The following LRPPRC variants were observed in gnomAD, a reference collection of about 807,000 sequenced individuals.
The protein encoded by LRPPRC is leucine-rich PPR motif-containing protein, mitochondrial.
Under a neutral mutation model 180.3 loss-of-function variants are expected in LRPPRC, and 120 were observed. The observed-to-expected ratio is 0.67, with a 90% confidence interval of 0.57 to 0.77. The LOEUF is 0.77. Ranked by LOEUF, LRPPRC falls within the 30% of genes least tolerant of loss-of-function variation. LRPPRC has a pLI of 0.00. For missense variants in LRPPRC, 2,012 were observed against 1,657.2 expected (o/e 1.21, Z -3.72); for synonymous variants, 723 against 600.0 (o/e 1.21, Z -3.00).
chr2:43,980,727 T>C (rs567907753), intron 2 of LRPPRC, among the ~76,000 whole-genome samples: 2 of 152,312 alleles, frequency 1.3e-5, no homozygotes, highest in East Asian at 3.9e-4. Context: ...CCCTGAAAGC[T>C]GACTTTAAAA....
intron 2 of LRPPRC, among the ~76,000 whole-genome samples, chr2:43,981,026 G>C (rs192774285): frequency 1.3e-5 from 2 of 152,086 alleles, no homozygotes; most frequent in Non-Finnish European, 2.9e-5. Context: ...CTACACTTCT[G>C]AGTGTGTCTG....
chr2:43,963,901 T>C (rs1673454496), intron 11 of LRPPRC, 195 bp from the exon 12 acceptor site: 1 of 601,698 alleles, frequency 1.7e-6, no homozygotes, highest in East Asian at 2.8e-5. Context: ...TTCATCCCCC[T>C]CTGTGAAACA....
chr2:43,915,378 C>A (rs1671429194), intron 29 of LRPPRC, among the ~76,000 whole-genome samples: 1 of 151,684 alleles, frequency 6.6e-6, no homozygotes, highest in South Asian at 2.1e-4. Flanking sequence ...ACTGAATATG[C>A]AGCAAAGGAA....
intron 36 of LRPPRC, chr2:43,892,624 T>G (rs1670531703): frequency 6.6e-6 from 1 of 152,174 alleles, no homozygotes; most frequent in Non-Finnish European, 1.5e-5. Flanking sequence ...GGTGCCCTAA[T>G]AAAACATCCA....
upstream of LRPPRC, among the ~76,000 whole-genome samples, chr2:43,996,251 G>A (rs943636213): frequency 2.0e-5 from 3 of 152,312 alleles, no homozygotes; most frequent in Admixed American, 6.5e-5. Flanking sequence ...TGGTAGAGCC[G>A]CAAGAGGTCA....
chr2:43,974,324 T>G, intron 8 of LRPPRC, 29 bp from the exon 9 acceptor site: 1 of 1,545,596 alleles, frequency 6.5e-7, no homozygotes, highest in Non-Finnish European at 8.9e-7. Flanking sequence ...CATCTTTTGT[T>G]AATAAACTGA....
intron 1 of LRPPRC, among the ~76,000 whole-genome samples, chr2:43,991,456 CT>C (rs560277377): frequency 6.6e-6 from 1 of 152,116 alleles, no homozygotes; most frequent in Non-Finnish European, 1.5e-5. Context: ...TAATTTTCAC[CT>C]TTAGGCCAAT....
chr2:43,951,376 T>C (rs892641110), intron 14 of LRPPRC, among the ~76,000 whole-genome samples: 19 of 152,092 alleles, frequency 1.2e-4, no homozygotes, highest in Non-Finnish European at 2.4e-4. Context: ...ACAAGGAAAG[T>C]AGAGAACAAT....
Position 43,912,476 on chromosome 2 carries a change from C to A in LRPPRC, c.3231G>T (p.Leu1077=), listed in dbSNP as rs2105013199. 6.2e-7 allele frequency: 1 copy of A among 1,603,776 alleles called. No individual in the cohort carries two copies. The highest frequency in any genetic ancestry group is 8.5e-7 in the Non-Finnish European group (1 of 1,170,826). Residue 1077 remains leucine (L), a synonymous_variant, in exon 30 of 38, where the codon CTG becomes CTT. Coordinates refer to ENST00000260665, the MANE Select transcript of LRPPRC (RefSeq NM_133259.4). ...AETYSNLIKL[L]MSEDYFTQAM... ...CTTGTGTAAAATAATCTTCTGACAT[C>A]AGTAATTTAATGAGATTGCTGTAGG... is the stretch of plus-strand genomic sequence containing the variant.
chr2:43,915,547 GGT>G (rs1233417354), intron 29 of LRPPRC, among the ~76,000 whole-genome samples: 1 of 152,006 alleles, frequency 6.6e-6, no homozygotes, highest in African/African-American at 2.4e-5. Flanking sequence ...AGCCGGGCGT[GGT>G]GGTGTGCGCC....
intron 3 of LRPPRC, among the ~76,000 whole-genome samples, chr2:43,978,396 C>G (rs1332958564): frequency 6.6e-6 from 1 of 152,144 alleles, no homozygotes; most frequent in African/African-American, 2.4e-5. Context: ...AAAGCAGACA[C>G]TTATACAGGA....
intron 13 of LRPPRC, among the ~76,000 whole-genome samples, chr2:43,960,298 T>C (rs901603487): frequency 1.3e-5 from 2 of 152,152 alleles, no homozygotes; most frequent in African/African-American, 4.8e-5. Flanking sequence ...AATATCCACG[T>C]CTTCAGGGTC....
chr2:43,957,098 T>C (rs1458229470), intron 14 of LRPPRC, among the ~76,000 whole-genome samples: 1 of 152,198 alleles, frequency 6.6e-6, no homozygotes, highest in East Asian at 1.9e-4. Flanking sequence ...AACATACATA[T>C]GCAAATTGGT....
chr2:43,929,831 A>C (rs1475656364), intron 25 of LRPPRC, among the ~76,000 whole-genome samples: 1 of 152,154 alleles, frequency 6.6e-6, no homozygotes, highest in Non-Finnish European at 1.5e-5. Flanking sequence ...ACAAACTATC[A>C]TGAACTAAAA....
At chr2:43,978,553 T>G (rs1674160541) in intron 3 of LRPPRC, among the ~76,000 whole-genome samples, 1 of 152,140 alleles carries the variant, frequency 6.6e-6, no homozygotes. Flanking sequence ...AATGACTTAC[T>G]GACATACAGA....
chr2:43,926,563 C>T (rs761636014), intron 25 of LRPPRC, among the ~76,000 whole-genome samples: 5 of 152,036 alleles, frequency 3.3e-5, no homozygotes, highest in African/African-American at 4.8e-5. Flanking sequence ...AGACGGGTTG[C>T]ACCATGTTGG....
chr2:43,906,353 TCA>T (rs1671066684), intron 30 of LRPPRC, among the ~76,000 whole-genome samples: 3 of 152,182 alleles, frequency 2.0e-5, no homozygotes, highest in Non-Finnish European at 4.4e-5. Flanking sequence ...ATTAAAAATT[TCA>T]CACAACCATC....
intron 11 of LRPPRC, among the ~76,000 whole-genome samples, chr2:43,966,962 A>C (rs1300560036): frequency 6.6e-6 from 1 of 151,956 alleles, no homozygotes; most frequent in East Asian, 2.0e-4. Flanking sequence ...GAAGAAGGAG[A>C]ACTGCTTGAA....
intron 5 of LRPPRC, 145 bp downstream of exon 5, chr2:43,976,849 G>C (rs1261479834): frequency 3.0e-6 from 2 of 665,936 alleles, no homozygotes; most frequent in South Asian, 1.8e-5. Flanking sequence ...TTTTATGTAA[G>C]TCAGATTACC....
Sources: gnomAD v4.1 joint callset for allele counts (sites outside exome capture counted in the v4.1 genomes callset) on GRCh38, gnomAD v4.1.1 for gene constraint, MANE v1.5 for transcripts, NCBI Gene and HGNC (gene_info 2026-07-23, HGNC 2026-07-21) for gene names.